JDP2: variants seen among roughly 807,000 people sequenced by gnomAD.
JDP2 encodes the protein Jun dimerization protein 2, also known as progesterone receptor co-activator.
A neutral mutation model predicts 17.1 loss-of-function variants in JDP2; 9 were observed. That is an observed-to-expected ratio of 0.53 (90% CI 0.32 to 0.92). The LOEUF (loss-of-function observed/expected upper bound fraction) is 0.92, where lower values mean the gene tolerates loss of function less well. JDP2 is among the 40% of genes least tolerant of loss of function. The probability of loss-of-function intolerance (pLI) is 0.04; values close to 1 mark genes in which losing one functional copy is unlikely to be tolerated. For missense variants in JDP2, 179 were observed against 220.0 expected (o/e 0.81, Z 1.18); for synonymous variants, 107 against 95.6 (o/e 1.12, Z -0.69).
At chr14:75,462,980 G>C (rs1886405741) in intron 3 of JDP2, among the ~76,000 whole-genome samples, 1 of 152,218 alleles carries the variant, frequency 6.6e-6, no homozygotes, top group African/African-American at 2.4e-5. Flanking sequence ...CTTCAAGATG[G>C]ATGAAGTGCC....
intron 2 of JDP2, among the ~76,000 whole-genome samples, chr14:75,454,495 T>G (rs573189312): frequency 5.3e-5 from 8 of 152,254 alleles, no homozygotes; most frequent in Non-Finnish European, 1.0e-4. Context: ...ACACCCATTC[T>G]GTGCCATGCT....
chr14:75,467,933 C>T (rs891812560), intron 3 of JDP2, among the ~76,000 whole-genome samples: 13 of 152,122 alleles, frequency 8.5e-5, no homozygotes, highest in African/African-American at 3.1e-4. Context: ...CTCAGAGTTC[C>T]CGGGCACTCA....
rs190012153 is a variant in JDP2, at chr14:75,445,659, T to A, written c.201+7538T>A. ...CCTAGTACCTAGTACCATATACATATATTATCTCAAAATGGATCGAAGGCC... is the reference window on the plus strand; with the variant it reads ...CCTAGTACCTAGTACCATATACATAAATTATCTCAAAATGGATCGAAGGCC... On this transcript the variant is annotated intron_variant, in intron 2 of 3. Coordinates refer to ENST00000651602, the MANE Select transcript of JDP2 (RefSeq NM_001135048.2). 6.5e-4 allele frequency: 577 copies of A among 883,868 alleles called. 1 individual carries two copies. Among genetic ancestry groups the A allele is most frequent in the Non-Finnish European group, 7.3e-4 (537 of 737,430 alleles). The allele number at this position is 883,868 out of a possible 1,614,324, so 54.8% of individuals were successfully genotyped here.
chr14:75,448,544 A>G (rs2139970980), intron 2 of JDP2, among the ~76,000 whole-genome samples: 1 of 152,324 alleles, frequency 6.6e-6, no homozygotes, highest in South Asian at 2.1e-4. Flanking sequence ...TCCACCTGCC[A>G]TTGGATACTC....
chr14:75,445,807 A>AG (rs1885572327), intron 2 of JDP2: 1 of 164,196 alleles, frequency 6.1e-6, no homozygotes, highest in Admixed American at 6.5e-5. Flanking sequence ...AATAAAAAAA[A>AG]TAAATTGGAC....
rs1229722397 is a variant in JDP2 at position 75,469,723 on chromosome 14, C to G, written c.*248C>G. ...AAGTTGACCCTCGGGTAGGGTTGTC[C>G]TGCCTGGGGCCCCACTTGAAGGAGG... On this transcript the variant is annotated 3_prime_UTR_variant, in exon 4 of 4. Coordinates refer to ENST00000651602, the MANE Select transcript of JDP2 (RefSeq NM_001135048.2). The G allele has an allele frequency of 2.1e-6, 1 of 473,884 alleles. No homozygotes were observed. Among genetic ancestry groups the G allele is most frequent in the Non-Finnish European group, 3.8e-6 (1 of 263,360 alleles). The allele number at this position is 473,884 out of a possible 1,614,324, so 29.4% of individuals were successfully genotyped here. A position where few individuals can be genotyped will look rare whatever the true frequency, so the allele number is the denominator to read the frequency against.
intron 2 of JDP2, among the ~76,000 whole-genome samples, chr14:75,451,534 C>G (rs1419702708): frequency 6.6e-6 from 1 of 152,074 alleles, no homozygotes; most frequent in African/African-American, 2.4e-5. Flanking sequence ...TGGCTGAAAC[C>G]ACGTGAGTAG....
chr14:75,467,748 C>T (rs370951544), intron 3 of JDP2, among the ~76,000 whole-genome samples: 223 of 152,268 alleles, frequency 1.5e-3, no homozygotes, highest in African/African-American at 5.0e-3. Flanking sequence ...CCTGGCCCTC[C>T]GAGATGCGCC....
chr14:75,428,707 G>C lies in JDP2; in HGVS notation c.-24+455G>C, dbSNP rs1390802788. 1 of 152,384 alleles carries C rather than the reference G, an allele frequency of 6.6e-6. No individual in the cohort carries two copies. The highest frequency in any genetic ancestry group is 2.4e-5 in the African/African-American group (1 of 41,456). 9.4% of individuals were successfully genotyped at this position (152,384 alleles called of 1,614,324 possible). ...GGGTTGGGGTCGGGGTTAGATTGTG[G>C]AGGGATGACAAGGACCTCCTGGCAG... On this transcript the variant is annotated intron_variant, in intron 1 of 3. Transcript: ENST00000651602. The surrounding 1 kb of genome is among the most constrained non-coding windows in gnomAD (Gnocchi z 5.6).
intron 2 of JDP2, among the ~76,000 whole-genome samples, chr14:75,454,905 G>C (rs1291076967): frequency 6.6e-6 from 1 of 152,074 alleles, no homozygotes; most frequent in Admixed American, 6.5e-5. Context: ...GGAAGCTGTT[G>C]GAGGGTTGCA....
chr14:75,456,429 C>G (rs1886110074), intron 2 of JDP2, among the ~76,000 whole-genome samples: 1 of 152,188 alleles, frequency 6.6e-6, no homozygotes, highest in African/African-American at 2.4e-5. Context: ...GTGAGGTGAG[C>G]AAGCCTGGGT....
intron 1 of JDP2, among the ~76,000 whole-genome samples, chr14:75,433,437 A>G (rs542979969): frequency 9.4e-5 from 14 of 148,400 alleles, no homozygotes; most frequent in Non-Finnish European, 1.8e-4. Flanking sequence ...AGGAGGGTCT[A>G]TTTTCTAGAC....
chr14:75,433,344 A>G (rs1274669409), intron 1 of JDP2, among the ~76,000 whole-genome samples: 1 of 149,496 alleles, frequency 6.7e-6, no homozygotes, highest in East Asian at 2.0e-4. Context: ...AAAAAATGAG[A>G]GAGGAAAACC....
intron 3 of JDP2, among the ~76,000 whole-genome samples, chr14:75,468,391 G>A (rs1275532941): frequency 6.6e-6 from 1 of 152,160 alleles, no homozygotes; most frequent in African/African-American, 2.4e-5. Context: ...CTGAAACTTT[G>A]CTGGCCCTCG....
chr14:75,446,676 GT>G (rs1300846457), intron 2 of JDP2, among the ~76,000 whole-genome samples: 1 of 152,192 alleles, frequency 6.6e-6, no homozygotes, highest in Non-Finnish European at 1.5e-5. Flanking sequence ...GGAGTGGGGA[GT>G]GATGGCCAAG....
intron 1 of JDP2, chr14:75,432,463 G>A: frequency 3.4e-6 from 3 of 883,508 alleles, no homozygotes; most frequent in Non-Finnish European, 5.3e-6. Flanking sequence ...CACTTCTCTT[G>A]TTGAGTCTCA....
At chr14:75,438,580 C>G (rs758538592) in intron 2 of JDP2, among the ~76,000 whole-genome samples, 79 of 152,144 alleles carry the variant, frequency 5.2e-4, no homozygotes, top group Non-Finnish European at 8.1e-4. Context: ...GACCTCCACC[C>G]CTCTTGGCCC....
chr14:75,433,221 AAAAT>A (rs1234444193), intron 1 of JDP2, among the ~76,000 whole-genome samples: 6 of 146,304 alleles, frequency 4.1e-5, no homozygotes, highest in South Asian at 2.2e-4. Flanking sequence ...AAAAAAAAAA[AAAAT>A]GTAAGGGGTT....
chr14:75,433,195 CAAAAAAAAAAAAAAAA>C (rs780191475), intron 1 of JDP2, among the ~76,000 whole-genome samples: 5 of 19,394 alleles, frequency 2.6e-4, no homozygotes, highest in African/African-American at 3.2e-4. Flanking sequence ...AACTCCGTCT[CAAAAAAAAAAAAAAAA>C]AAAAAAAAAA....
Sources: gnomAD v4.1 joint callset for allele counts (sites outside exome capture counted in the v4.1 genomes callset) on GRCh38, gnomAD v4.1.1 for gene constraint, Gnocchi (gnomAD v3.1) non-coding constraint, MANE v1.5 for transcripts, NCBI Gene and HGNC (gene_info 2026-07-23, HGNC 2026-07-21) for gene names.